The following USH2A variants were observed in gnomAD, a reference collection of about 807,000 sequenced individuals.
USH2A encodes the protein Usher syndrome 2A (autosomal recessive, mild).
USH2A carries 443 observed loss-of-function variants against 538.9 expected under a neutral mutation model. The observed-to-expected ratio is 0.82, with a 90% CI of 0.76 to 0.89. The LOEUF is 0.89. Ranked by LOEUF, USH2A falls within the 40% of genes least tolerant of loss-of-function variation. USH2A has a pLI of 0.00. For missense variants in USH2A, 6,633 were observed against 6,324.8 expected (o/e 1.05, Z -1.65); for synonymous variants, 2,413 against 2,273.5 (o/e 1.06, Z -1.75).
At chr1:216,163,381 A>G (rs1186181340) in intron 21 of USH2A, among the ~76,000 whole-genome samples, 1 of 152,072 alleles carries the variant, frequency 6.6e-6, no homozygotes, top group African/African-American at 2.4e-5. Flanking sequence ...ATATGCATAT[A>G]TATCTACATG....
At chr1:216,369,331 C>G (rs2038658784) in intron 3 of USH2A, among the ~76,000 whole-genome samples, 1 of 152,106 alleles carries the variant, frequency 6.6e-6, no homozygotes, top group African/African-American at 2.4e-5. Flanking sequence ...CACATCCCAT[C>G]CTATTGCTTA....
rs115066471 is a variant in USH2A at position 216,046,228 on chromosome 1, A to C, written c.6325+203T>G. Among the ~76,000 whole-genome samples, 1,717 of 152,220 alleles carry C rather than the reference A, an allele frequency of 0.011. 34 individuals carry two copies. Among genetic ancestry groups the C allele is most frequent in the African/African-American group, 0.039 (1,604 of 41,532 alleles). On this transcript the variant is annotated intron_variant, in intron 32 of 71. Coordinates refer to ENST00000307340, the MANE Select transcript of USH2A (RefSeq NM_206933.4). The stretch of plus-strand genomic sequence containing the variant: ...CCTTAGAATACCTAATACAATGTAA[A>C]TGCTATGTAAATAGTTGTTATACTA...
intron 21 of USH2A, among the ~76,000 whole-genome samples, chr1:216,117,917 C>T (rs544787144): frequency 9.9e-5 from 15 of 150,880 alleles, no homozygotes; most frequent in South Asian, 4.2e-4. Context: ...TATATATATG[C>T]ATGTATTCCT....
At chr1:216,394,393 A>G (rs2039167936) in intron 3 of USH2A, among the ~76,000 whole-genome samples, 1 of 152,158 alleles carries the variant, frequency 6.6e-6, no homozygotes, top group Admixed American at 6.5e-5. Flanking sequence ...TGACTATAAA[A>G]GAGTAGCACA....
intron 32 of USH2A, among the ~76,000 whole-genome samples, chr1:216,011,391 A>G (rs1048569358): frequency 2.0e-5 from 3 of 152,084 alleles, no homozygotes; most frequent in African/African-American, 4.8e-5. Flanking sequence ...CATTACTTCA[A>G]TCAAGCCCAA....
chr1:216,208,576 C>T (rs2035170911), intron 15 of USH2A, among the ~76,000 whole-genome samples: 2 of 152,038 alleles, frequency 1.3e-5, no homozygotes, highest in Non-Finnish European at 2.9e-5. Context: ...AGAGATGGTC[C>T]AGTACTCTCA....
At chr1:216,118,894 C>T (rs2033068666) in intron 21 of USH2A, among the ~76,000 whole-genome samples, 1 of 152,224 alleles carries the variant, frequency 6.6e-6, no homozygotes, top group Non-Finnish European at 1.5e-5. Context: ...AAACTCTTGG[C>T]TGTGCCCAAA....
At chr1:216,309,729 T>C (rs972675898) in intron 9 of USH2A, among the ~76,000 whole-genome samples, 3 of 152,120 alleles carry the variant, frequency 2.0e-5, no homozygotes, top group African/African-American at 7.2e-5. Flanking sequence ...CTCTACTCCT[T>C]ATTTGTGGAG....
chr1:215,660,875 A>G (rs545817444), intron 64 of USH2A, among the ~76,000 whole-genome samples: 2 of 152,310 alleles, frequency 1.3e-5, no homozygotes, highest in South Asian at 2.1e-4. Flanking sequence ...AGTCTCAACT[A>G]TGTTCTTACA....
At chr1:216,047,789 A>G (rs927278664) in intron 31 of USH2A, among the ~76,000 whole-genome samples, 1 of 152,180 alleles carries the variant, frequency 6.6e-6, no homozygotes, top group Non-Finnish European at 1.5e-5. Flanking sequence ...AGTATAAGAT[A>G]TGTACAATTC....
intron 56 of USH2A, among the ~76,000 whole-genome samples, chr1:215,763,508 G>C (rs1002169701): frequency 1.2e-4 from 19 of 152,258 alleles, no homozygotes; most frequent in African/African-American, 4.1e-4. Flanking sequence ...ATGTGGGCAA[G>C]GATGGCAGGA....
At chr1:215,908,039 A>G (rs1251022118) in intron 38 of USH2A, among the ~76,000 whole-genome samples, 1 of 152,070 alleles carries the variant, frequency 6.6e-6, no homozygotes, top group Non-Finnish European at 1.5e-5. Flanking sequence ...TGGAGGTATT[A>G]TCAAATGAAA....
At chr1:215,805,806 AG>A (rs1236124960) in intron 49 of USH2A, among the ~76,000 whole-genome samples, 2 of 149,804 alleles carry the variant, frequency 1.3e-5, no homozygotes, top group Admixed American at 1.3e-4. Context: ...ACTTTGGCTC[AG>A]AAAAAAAGAA....
At chr1:216,345,768 G>C (rs779396457) in intron 4 of USH2A, among the ~76,000 whole-genome samples, 7 of 152,114 alleles carry the variant, frequency 4.6e-5, no homozygotes, top group Non-Finnish European at 8.8e-5. Context: ...CAGCAAACTG[G>C]CTAGTTATGT....
At position 216,082,778 on chromosome 1, in the gene USH2A, G is replaced by C. The variant is rs1304552019; in HGVS notation, c.5298+678C>G. Reference sequence around the variant, plus strand: ...AACAACCAATACATCATTGGTAAGAGAAGAGAAATACTACACAGCCAAGAA... The same window carrying C: ...AACAACCAATACATCATTGGTAAGACAAGAGAAATACTACACAGCCAAGAA... On this transcript the variant is annotated intron_variant, in intron 26 of 71. Coordinates refer to ENST00000307340, the MANE Select transcript of USH2A (RefSeq NM_206933.4). 2.6e-5 allele frequency among the ~76,000 whole-genome samples: 4 copies of C among 152,052 alleles called. No homozygotes were observed. In the South Asian group the frequency reaches 6.2e-4, roughly 24 times the overall value.
At chr1:216,014,411 A>G (rs899341856) in intron 32 of USH2A, among the ~76,000 whole-genome samples, 2 of 152,238 alleles carry the variant, frequency 1.3e-5, no homozygotes, top group African/African-American at 4.8e-5. Context: ...AGAGGAAAGT[A>G]ATGACAACTC....
At chr1:215,976,368 T>C (rs1451844977) in intron 35 of USH2A, among the ~76,000 whole-genome samples, 1 of 152,108 alleles carries the variant, frequency 6.6e-6, no homozygotes, top group Non-Finnish European at 1.5e-5. Context: ...GTGGTGAGAG[T>C]GGGCATTCTT....
intron 15 of USH2A, among the ~76,000 whole-genome samples, chr1:216,208,925 G>C (rs1299791436): frequency 2.0e-5 from 3 of 152,082 alleles, no homozygotes; most frequent in Non-Finnish European, 2.9e-5. Context: ...TTTATTGGGG[G>C]CTGTTCCTAT....
intron 47 of USH2A, among the ~76,000 whole-genome samples, chr1:215,827,913 AT>A (rs1191529723): frequency 9.2e-5 from 14 of 152,132 alleles, no homozygotes; most frequent in Non-Finnish European, 2.1e-4. Flanking sequence ...TAAAATATTA[AT>A]TTTTTCTTTT....
Sources: allele counts gnomAD v4.1 joint callset (sites outside exome capture counted in the v4.1 genomes callset), GRCh38; gene constraint gnomAD v4.1.1; transcripts MANE v1.5; gene names NCBI Gene and HGNC (gene_info 2026-07-23, HGNC 2026-07-21).